Variants in PVT1 observed in about 807,000 individuals in gnomAD.
PVT1 encodes Pvt1 oncogene, also known as CXCR4/PVT1 fusion.
intron 4 of PVT1, among the ~76,000 whole-genome samples, chr8:128,004,653 G>T (rs1817224823): frequency 6.6e-6 from 1 of 152,218 alleles, no homozygotes; most frequent in Non-Finnish European, 1.5e-5. Flanking sequence ...GCCTGGGCCA[G>T]GAGATAGACT....
chr8:128,097,318 G>A (rs577590441), intron 6 of PVT1, among the ~76,000 whole-genome samples: 8 of 62,008 alleles, frequency 1.3e-4, no homozygotes, highest in East Asian at 1.1e-3. Context: ...CTGAGATAGC[G>A]CCACTGAACC....
intron 5 of PVT1, among the ~76,000 whole-genome samples, chr8:128,090,455 A>T (rs181290656): frequency 6.6e-6 from 1 of 152,320 alleles, no homozygotes; most frequent in Admixed American, 6.5e-5. Context: ...TTAAAGGCTG[A>T]CTTTGATGGG....
intron 3 of PVT1, among the ~76,000 whole-genome samples, chr8:127,943,109 G>A (rs1367254997): frequency 1.3e-5 from 2 of 152,146 alleles, no homozygotes; most frequent in Non-Finnish European, 2.9e-5. Flanking sequence ...ACCATCTCGT[G>A]ACTCAGTAAG....
At chr8:127,875,363 G>C (rs200347522) in intron 2 of PVT1, among the ~76,000 whole-genome samples, 20 of 149,612 alleles carry the variant, frequency 1.3e-4, no homozygotes, top group Non-Finnish European at 2.5e-4. Flanking sequence ...CTCTGTCTCT[G>C]TCTCTCTCTC....
At chr8:127,964,228 G>A (rs917470756) in intron 3 of PVT1, among the ~76,000 whole-genome samples, 10 of 152,254 alleles carry the variant, frequency 6.6e-5, no homozygotes, top group African/African-American at 2.2e-4. Context: ...CCAGATGTTC[G>A]GTGGTGTGTT....
intron 2 of PVT1, among the ~76,000 whole-genome samples, chr8:127,807,498 T>C (rs989726839): frequency 6.6e-6 from 1 of 151,840 alleles, no homozygotes; most frequent in Admixed American, 6.6e-5. Context: ...CATGCCTGTA[T>C]TTTTTGTAGA....
intron 5 of PVT1, among the ~76,000 whole-genome samples, chr8:128,080,483 T>C (rs1242289917): frequency 6.6e-6 from 1 of 152,232 alleles, no homozygotes; most frequent in African/African-American, 2.4e-5. Context: ...TGATGACATA[T>C]GTTTATTTGC....
At chr8:128,029,847 G>A (rs1277685806) in intron 4 of PVT1, among the ~76,000 whole-genome samples, 7 of 152,204 alleles carry the variant, frequency 4.6e-5, no homozygotes, top group Admixed American at 3.9e-4. Context: ...TGTGGCTTGC[G>A]CCTCTAATCC....
chr8:127,954,380 T>A (rs2129932555), intron 3 of PVT1, among the ~76,000 whole-genome samples: 1 of 149,644 alleles, frequency 6.7e-6, no homozygotes, highest in Admixed American at 6.8e-5. Context: ...CTGCAACCTC[T>A]GCTTCCCAGG....
intron 3 of PVT1, among the ~76,000 whole-genome samples, chr8:127,897,895 GAAA>G (rs1815705391): frequency 8.6e-6 from 1 of 115,888 alleles, no homozygotes; most frequent in African/African-American, 3.3e-5. Context: ...AAGAAAGAAA[GAAA>G]GAAAAAAAGA....
intron 2 of PVT1, among the ~76,000 whole-genome samples, chr8:127,860,960 G>T (rs899747474): frequency 6.6e-6 from 1 of 152,080 alleles, no homozygotes; most frequent in African/African-American, 2.4e-5. Flanking sequence ...CATGGTAGAG[G>T]CGTGAACTTG....
At chr8:127,961,986 T>G (rs1401471636) in intron 3 of PVT1, among the ~76,000 whole-genome samples, 2 of 152,272 alleles carry the variant, frequency 1.3e-5, no homozygotes, top group Non-Finnish European at 2.9e-5. Flanking sequence ...GTAGAATTTT[T>G]TTTTTTGAGA....
At chr8:127,915,575 G>A (rs1158676046) in intron 3 of PVT1, among the ~76,000 whole-genome samples, 1 of 132,334 alleles carries the variant, frequency 7.6e-6, no homozygotes, top group Non-Finnish European at 1.5e-5. Context: ...TTGCATCATT[G>A]CATTTCAGCC....
intron 4 of PVT1, among the ~76,000 whole-genome samples, chr8:127,993,070 A>G (rs1817061850): frequency 6.6e-6 from 1 of 152,152 alleles, no homozygotes; most frequent in Non-Finnish European, 1.5e-5. Flanking sequence ...CCATTTCTCT[A>G]TTACTGTTTC....
At position 127,924,177 on chromosome 8, in the gene PVT1, G is replaced by A. The variant is rs145532342; in HGVS notation, n.782+33179G>A. 3.9e-3 allele frequency among the ~76,000 whole-genome samples: 587 copies of A among 152,248 alleles called. 4 individuals carry two copies. Among genetic ancestry groups the A allele is most frequent in the African/African-American group, 0.013 (542 of 41,552 alleles). On this transcript the variant is annotated intron_variant and non_coding_transcript_variant, in intron 3 of 10. Transcript: ENST00000651587. The stretch of plus-strand genomic sequence containing the variant: ...CCTCTTCTAGAAGCCACCAGTTTGC[G>A]TTTTCATACAGTGGCTGGGATCCAT...
intron 2 of PVT1, among the ~76,000 whole-genome samples, chr8:127,802,202 A>G (rs1814472764): frequency 6.6e-6 from 1 of 152,102 alleles, no homozygotes; most frequent in Non-Finnish European, 1.5e-5. Flanking sequence ...GGTGTGAGCC[A>G]CTGCACCAGG....
At chr8:127,944,804 A>G (rs902271609) in intron 3 of PVT1, among the ~76,000 whole-genome samples, 4 of 152,162 alleles carry the variant, frequency 2.6e-5, no homozygotes, top group Admixed American at 1.3e-4. Flanking sequence ...GGAAAGTGGT[A>G]TCGATGACTC....
chr8:127,962,403 C>T (rs1336747014), intron 3 of PVT1, among the ~76,000 whole-genome samples: 1 of 152,200 alleles, frequency 6.6e-6, no homozygotes, highest in African/African-American at 2.4e-5. Context: ...CTTCTTAATC[C>T]TTAAGCCAGC....
At position 127,908,194 on chromosome 8, in the gene PVT1, T is replaced by G. The variant is rs117153772; in HGVS notation, n.782+17196T>G. On this transcript the variant is annotated intron_variant and non_coding_transcript_variant, in intron 3 of 10. Transcript: ENST00000651587. ...CACAAAATACAACCACATTTTAGTA[T>G]TCCGTACACAGTCCTTTCTGGGCAT... 2.3e-3 allele frequency among the ~76,000 whole-genome samples: 356 copies of G among 152,282 alleles called. 1 individual carries two copies. Among genetic ancestry groups the G allele is most frequent in the Admixed American group, 3.8e-3 (58 of 15,300 alleles).
Sources: allele counts gnomAD v4.1 joint callset (sites outside exome capture counted in the v4.1 genomes callset), GRCh38; gene constraint gnomAD v4.1.1; transcripts MANE v1.5; gene names NCBI Gene and HGNC (gene_info 2026-07-23, HGNC 2026-07-21).